Variants in CTNNA3 observed in about 807,000 individuals in gnomAD.
The protein encoded by CTNNA3 is catenin alpha 3, also known as catenin alpha-3.
Under a neutral mutation model 95.7 loss-of-function variants are expected in CTNNA3, and 76 were observed. The observed-to-expected ratio is 0.79, with a 90% confidence interval of 0.66 to 0.96. The LOEUF (loss-of-function observed/expected upper bound fraction) is 0.96. Ranked by LOEUF, CTNNA3 falls within the 40% of genes least tolerant of loss-of-function variation. The pLI, the probability that CTNNA3 is intolerant of heterozygous loss-of-function variation, is 0.00. For missense variants in CTNNA3, 1,191 were observed against 1,089.8 expected, an observed-to-expected ratio of 1.09 and a Z score of -1.31; for synonymous variants, 431 against 374.4, an observed-to-expected ratio of 1.15 and a Z score of -1.74.
chr10:65,939,746 C>T (rs1251167717), intron 17 of CTNNA3, among the ~76,000 whole-genome samples: 1 of 152,062 alleles, frequency 6.6e-6, no homozygotes, highest in African/African-American at 2.4e-5. Context: ...TATTATTGTA[C>T]TGCAGTTTTT....
chr10:67,670,953 G>T (rs1481890547), intron 1 of CTNNA3, among the ~76,000 whole-genome samples: 1 of 151,862 alleles, frequency 6.6e-6, no homozygotes, highest in Non-Finnish European at 1.5e-5. Context: ...CTCTGTGTCT[G>T]TTTCATTGTG....
At chr10:66,490,397 T>C (rs1265879109) in intron 11 of CTNNA3, among the ~76,000 whole-genome samples, 3 of 152,298 alleles carry the variant, frequency 2.0e-5, no homozygotes, top group African/African-American at 7.2e-5. Flanking sequence ...CAAGAACTTG[T>C]TCTCTCAATT....
chr10:67,672,433 C>A (rs1840455244), intron 1 of CTNNA3, among the ~76,000 whole-genome samples: 2 of 151,786 alleles, frequency 1.3e-5, no homozygotes, highest in Non-Finnish European at 2.9e-5. Flanking sequence ...AAGTCCTTGC[C>A]CATGCCTATG....
intron 7 of CTNNA3, among the ~76,000 whole-genome samples, chr10:66,919,186 C>T (rs1846663027): frequency 6.9e-6 from 1 of 143,904 alleles, no homozygotes; most frequent in Non-Finnish European, 1.5e-5. Context: ...TTTTAAAATA[C>T]TCCAGAAAGA....
intron 7 of CTNNA3, chr10:66,926,599 C>A: frequency 6.2e-7 from 1 of 1,613,796 alleles, no homozygotes; most frequent in Non-Finnish European, 8.5e-7. Flanking sequence ...TATGTTTTGT[C>A]ATTTTTCTTC....
At chr10:66,811,732 T>C (rs1293284973) in intron 7 of CTNNA3, among the ~76,000 whole-genome samples, 1 of 152,174 alleles carries the variant, frequency 6.6e-6, no homozygotes, top group Non-Finnish European at 1.5e-5. Context: ...GCATGATCGC[T>C]TTAATACATT....
intron 5 of CTNNA3, among the ~76,000 whole-genome samples, chr10:67,381,716 G>C (rs1431166306): frequency 1.3e-5 from 2 of 152,120 alleles, no homozygotes; most frequent in Non-Finnish European, 1.5e-5. Flanking sequence ...ACAGTCTCCA[G>C]ATACTCCATT....
chr10:67,015,196 A>G (rs1275030827), intron 7 of CTNNA3: 1 of 152,148 alleles, frequency 6.6e-6, no homozygotes, highest in African/African-American at 2.4e-5. Flanking sequence ...ATTTTCATTA[A>G]CATGCTTTCA....
intron 5 of CTNNA3, among the ~76,000 whole-genome samples, chr10:67,460,804 A>G (rs2132992523): frequency 1.3e-5 from 2 of 152,304 alleles, no homozygotes; most frequent in Admixed American, 1.3e-4. Flanking sequence ...AACCAAAAAA[A>G]GGAGAAAAAA....
At chr10:66,348,177 TTTC>T (rs2092539162) in intron 12 of CTNNA3, among the ~76,000 whole-genome samples, 1 of 152,108 alleles carries the variant, frequency 6.6e-6, no homozygotes, top group South Asian at 2.1e-4. Context: ...TTCTTCAGTC[TTTC>T]TTGCAAAAAT....
chr10:67,399,276 A>T (rs1311539297), intron 5 of CTNNA3, among the ~76,000 whole-genome samples: 1 of 152,142 alleles, frequency 6.6e-6, no homozygotes, highest in Non-Finnish European at 1.5e-5. Context: ...CTATAAACGA[A>T]TTTGTTAGAG....
At chr10:67,455,050 C>A (rs1244563547) in intron 5 of CTNNA3, among the ~76,000 whole-genome samples, 1 of 152,030 alleles carries the variant, frequency 6.6e-6, no homozygotes, top group Non-Finnish European at 1.5e-5. Context: ...GAAAGAATTT[C>A]TTCATAATAC....
chr10:67,463,036 C>T (rs1442665305), intron 5 of CTNNA3, among the ~76,000 whole-genome samples: 1 of 151,262 alleles, frequency 6.6e-6, no homozygotes, highest in Admixed American at 6.6e-5. Context: ...TCCTGAGTAG[C>T]GGGGTTACAG....
chr10:67,474,338 G>A (rs866074405), intron 5 of CTNNA3, among the ~76,000 whole-genome samples: 6 of 152,090 alleles, frequency 3.9e-5, no homozygotes, highest in South Asian at 2.1e-4. Context: ...CAATACGACC[G>A]CTGTCCTTAT....
intron 11 of CTNNA3, among the ~76,000 whole-genome samples, chr10:66,398,700 G>C (rs2092998194): frequency 6.6e-6 from 1 of 151,908 alleles, no homozygotes; most frequent in South Asian, 2.1e-4. Flanking sequence ...ATTAAAATCA[G>C]AGAAATTATA....
chr10:67,726,556 A>AATATGTAATATAATATTACAT (rs1554879538), intron 1 of CTNNA3, among the ~76,000 whole-genome samples: 1 of 61,266 alleles, frequency 1.6e-5, no homozygotes, highest in Non-Finnish European at 2.5e-5. Context: ...CATATTATAT[A>AATATGTAATATAATATTACAT]ATATAATATA....
chr10:67,245,157 A>G lies in CTNNA3; in HGVS notation c.580-25287T>C, dbSNP rs1441240308. On this transcript the variant is annotated intron_variant, in intron 5 of 17. Transcript: ENST00000433211. ...GGACCTCCTTGCTGCTTATCCAAGA[A>G]GCCAGGCACATCCCTACATTAGGCC... 3.3e-5 allele frequency among the ~76,000 whole-genome samples: 5 copies of G among 152,102 alleles called. No homozygotes were observed. The South Asian group carries it at 8.3e-4, about 25-fold the overall frequency.
chr10:67,181,845 A>G (rs1309110498), intron 6 of CTNNA3, among the ~76,000 whole-genome samples: 1 of 152,018 alleles, frequency 6.6e-6, no homozygotes, highest in Admixed American at 6.6e-5. Flanking sequence ...ATTTTTTTTA[A>G]AAAAACAGCA....
At chr10:67,638,880 G>A (rs1181108951) in intron 2 of CTNNA3, among the ~76,000 whole-genome samples, 1 of 152,158 alleles carries the variant, frequency 6.6e-6, no homozygotes, top group Admixed American at 6.6e-5. Flanking sequence ...GAAATTTATA[G>A]CACTAAATGC....
Sources: allele counts gnomAD v4.1 joint callset (sites outside exome capture counted in the v4.1 genomes callset), GRCh38; gene constraint gnomAD v4.1.1; transcripts MANE v1.5; gene names NCBI Gene and HGNC (gene_info 2026-07-23, HGNC 2026-07-21).